The following LYSMD1 variants were observed in gnomAD, a reference collection of about 807,000 sequenced individuals.
LYSMD1 encodes the protein lysM and putative peptidoglycan-binding domain-containing protein 1.
Under a neutral mutation model 19.3 loss-of-function variants are expected in LYSMD1, and 9 were observed. That is an observed-to-expected ratio of 0.47 (90% CI 0.28 to 0.81). LYSMD1 has a LOEUF of 0.81. Among genes scored for constraint, LYSMD1 ranks in the 40% least tolerant of loss-of-function variants. The pLI, the probability that LYSMD1 is intolerant of heterozygous loss-of-function variation, is 0.11. For missense variants in LYSMD1, 262 were observed against 279.8 expected (o/e 0.94, Z 0.45); for synonymous variants, 111 against 111.7 (o/e 0.99, Z 0.04).
At chr1:151,164,689 A>C (rs1425480781) in intron 1 of LYSMD1, among the ~76,000 whole-genome samples, 1 of 152,330 alleles carries the variant, frequency 6.6e-6, no homozygotes, top group East Asian at 1.9e-4. Flanking sequence ...TGTGTGGTTA[A>C]TAGAGTCAGA....
chr1:151,156,928 G>A (rs1683241830), downstream of LYSMD1, among the ~76,000 whole-genome samples: 1 of 152,148 alleles, frequency 6.6e-6, no homozygotes, highest in African/African-American at 2.4e-5. Flanking sequence ...AGGGCTGAGG[G>A]ATGCAGGTGG....
the LYSMD1 span, among the ~76,000 whole-genome samples, chr1:151,148,554 T>C: frequency 1.3e-5 from 2 of 152,002 alleles, no homozygotes; most frequent in African/African-American, 2.4e-5. Context: ...CAACACCAAG[T>C]CTCAAAAGAA....
At chr1:151,153,112 T>G in the LYSMD1 span, among the ~76,000 whole-genome samples, 1 of 152,364 alleles carries the variant, frequency 6.6e-6, no homozygotes, top group East Asian at 1.9e-4. Context: ...TAAGTGGACA[T>G]ACTACCTTCC....
Position 151,165,188 on chromosome 1 carries a change from T to A in LYSMD1, c.71A>T (p.Tyr24Phe). The change falls in exon 1 of 3, where the codon TAT (tyrosine) becomes TTT (phenylalanine). Residue 24 changes from tyrosine to phenylalanine, a missense_variant. By Grantham distance (22) the Tyr-to-Phe change is conservative (BLOSUM62 3). Coordinates refer to ENST00000368908, the MANE Select transcript of LYSMD1 (RefSeq NM_212551.5). ...GCAGGCCGATTGCACCAGGCTTCCA[T>A]ATGAACGAGCCCGGCTCCCTTGAAG... ...GLLQGSRARS[Y>F]GSLVQSACSP... 3 of 1,614,136 alleles carry A rather than the reference T, an allele frequency of 1.9e-6. No homozygotes were observed. Among genetic ancestry groups the A allele is most frequent in the Non-Finnish European group, 2.5e-6 (3 of 1,180,010 alleles).
downstream of LYSMD1, among the ~76,000 whole-genome samples, chr1:151,157,164 G>C (rs1190218206): frequency 6.6e-6 from 1 of 152,170 alleles, no homozygotes. Context: ...GGCCAAGGAG[G>C]AAGGAAGGCT....
At position 151,165,092 on chromosome 1, in the gene LYSMD1, T is replaced by C. The variant is rs748588559; in HGVS notation, c.167A>G (p.Lys56Arg). ...TGGAAAACTCACCGTCACCCCATATTTGAGTGCTAGTCCAGCCAGGGTGTC... is the reference window on the plus strand; with the variant it reads ...TGGAAAACTCACCGTCACCCCATATCTGAGTGCTAGTCCAGCCAGGGTGTC... ...PGDTLAGLAL[K>R]YGVTMEQIKR... The change falls in exon 1 of 3, where the codon AAA (lysine) becomes AGA (arginine). Residue 56 changes from lysine to arginine, a missense_variant. Physicochemically the swap from Lys to Arg is conservative, Grantham distance 26 (BLOSUM62 2). Transcript: ENST00000368908. The C allele has an allele frequency of 6.2e-7, 1 of 1,614,070 alleles. No individual in the cohort carries two copies. Among genetic ancestry groups the C allele is most frequent in the Non-Finnish European group, 8.5e-7 (1 of 1,179,956 alleles).
chr1:151,156,962 C>T (rs969602748), downstream of LYSMD1, among the ~76,000 whole-genome samples: 2 of 151,766 alleles, frequency 1.3e-5, no homozygotes, highest in East Asian at 1.9e-4. Context: ...TGGATGTGTG[C>T]GAAATGCAAG....
At chr1:151,158,780 A>T (rs1359257253), downstream of LYSMD1, 24 of 1,613,948 alleles carry the variant, frequency 1.5e-5, no homozygotes, top group Non-Finnish European at 1.9e-5. Flanking sequence ...TCTGTGGCTC[A>T]TCTCTTCATA....
At chr1:151,161,496 C>CAA (rs11317772) in intron 2 of LYSMD1, among the ~76,000 whole-genome samples, 5 of 128,812 alleles carry the variant, frequency 3.9e-5, no homozygotes, top group Admixed American at 8.2e-5. Flanking sequence ...GACCCCGTCT[C>CAA]AAAAAAAAAA....
intron 1 of LYSMD1, among the ~76,000 whole-genome samples, chr1:151,163,590 G>A (rs896210588): frequency 6.6e-6 from 1 of 151,918 alleles, no homozygotes; most frequent in African/African-American, 2.4e-5. Context: ...GTGTAGTGGC[G>A]CGATCTCGGC....
At chr1:151,164,192 C>T (rs917624220) in intron 1 of LYSMD1, among the ~76,000 whole-genome samples, 1 of 152,220 alleles carries the variant, frequency 6.6e-6, no homozygotes, top group African/African-American at 2.4e-5. Flanking sequence ...CCATGCCTGA[C>T]CCCTATTCGT....
At chr1:151,155,905 C>G (rs978382772), downstream of LYSMD1, among the ~76,000 whole-genome samples, 1 of 151,742 alleles carries the variant, frequency 6.6e-6, no homozygotes, top group Non-Finnish European at 1.5e-5. Flanking sequence ...GAGTTCAAGA[C>G]GATCCTGGCC....
chr1:151,158,881 G>T (rs1459783737), downstream of LYSMD1: 2 of 1,614,104 alleles, frequency 1.2e-6, no homozygotes, highest in African/African-American at 2.7e-5. Flanking sequence ...CGTGATCAAG[G>T]ACCTGATCAA....
At chr1:151,164,845 T>C (rs990639278) in intron 1 of LYSMD1, among the ~76,000 whole-genome samples, 5 of 152,154 alleles carry the variant, frequency 3.3e-5, no homozygotes, top group African/African-American at 1.2e-4. Flanking sequence ...TGAGCTAACG[T>C]ATGTGAAGCC....
downstream of LYSMD1, chr1:151,156,741 C>T (rs1683235251): frequency 6.6e-6 from 1 of 152,256 alleles, no homozygotes; most frequent in Non-Finnish European, 1.5e-5. Context: ...CCGGCAGTGA[C>T]AGAATGGTAG....
chr1:151,157,929 A>C (rs55716130), downstream of LYSMD1, among the ~76,000 whole-genome samples: 3,237 of 152,290 alleles, frequency 0.021, 98 homozygotes, highest in African/African-American at 0.073. Flanking sequence ...TGGGTAAATT[A>C]CTTAATGTAA....
chr1:151,150,736 C>CTT, the LYSMD1 span, among the ~76,000 whole-genome samples: 26 of 125,104 alleles, frequency 2.1e-4, no homozygotes, highest in African/African-American at 4.9e-4. Context: ...CTTTTCTTTT[C>CTT]TTTTTTTTTT....
chr1:151,158,615 A>G (rs41305062), downstream of LYSMD1: 314,077 of 1,281,992 alleles, frequency 0.24, 46,161 homozygotes, highest in African/African-American at 0.67. Context: ...GCAACAGAAA[A>G]GGGAAAAGCC....
chr1:151,157,644 T>C (rs996293361), downstream of LYSMD1, among the ~76,000 whole-genome samples: 3 of 152,222 alleles, frequency 2.0e-5, no homozygotes, highest in Non-Finnish European at 4.4e-5. Flanking sequence ...TTGAAGCCCA[T>C]CTTTATAATT....
Sources: gnomAD v4.1 joint callset for allele counts (sites outside exome capture counted in the v4.1 genomes callset) on GRCh38, gnomAD v4.1.1 for gene constraint, MANE v1.5 for transcripts, NCBI Gene and HGNC (gene_info 2026-07-23, HGNC 2026-07-21) for gene names.